Variants in ERN1 observed in about 807,000 individuals in gnomAD.
ERN1 encodes the protein serine/threonine-protein kinase/endoribonuclease IRE1.
Under a neutral mutation model 113.1 loss-of-function variants are expected in ERN1, and 39 were observed. The observed-to-expected ratio is 0.34, with a 90% CI of 0.27 to 0.45. The LOEUF is 0.45. Ranked by LOEUF, ERN1 falls within the 20% of genes least tolerant of loss-of-function variation. ERN1 has a pLI of 1.00. For missense variants in ERN1, 976 were observed against 1,274.8 expected (o/e 0.77, Z 3.57); for synonymous variants, 507 against 515.9 (o/e 0.98, Z 0.23).
chr17:64,088,201 C>T (rs1913988144), intron 2 of ERN1, among the ~76,000 whole-genome samples: 2 of 152,146 alleles, frequency 1.3e-5, no homozygotes, highest in Non-Finnish European at 2.9e-5. Flanking sequence ...ATTTCTGGAA[C>T]ACCCTGCTTT....
At chr17:64,076,753 C>T (rs937658178) in intron 4 of ERN1, among the ~76,000 whole-genome samples, 11 of 152,308 alleles carry the variant, frequency 7.2e-5, no homozygotes, top group African/African-American at 2.6e-4. Flanking sequence ...GCGCCCGCCA[C>T]TGCGCCTGGC....
intron 1 of ERN1, among the ~76,000 whole-genome samples, chr17:64,124,865 C>T (rs546426285): frequency 1.3e-4 from 20 of 152,158 alleles, no homozygotes; most frequent in African/African-American, 3.6e-4. Flanking sequence ...GTTAAAGAGG[C>T]CAGTTACAAA....
chr17:64,062,063 A>G (rs578090899), intron 10 of ERN1, among the ~76,000 whole-genome samples: 139 of 152,356 alleles, frequency 9.1e-4, no homozygotes, highest in African/African-American at 3.2e-3. Context: ...TGAGACCACT[A>G]AATATTTTGT....
At position 64,044,002 on chromosome 17, in the gene ERN1, G is replaced by T. The variant is rs1912422509; in HGVS notation, c.2920C>A (p.Pro974Thr). Residue 974 changes from proline to threonine, a missense_variant, in exon 22 of 22, where the codon CCA becomes ACA. Transcript: ENST00000433197. The surrounding 1 kb of genome is among the most constrained non-coding windows in gnomAD (Gnocchi z 4.1). The stretch of plus-strand genomic sequence containing the variant: ...GCCGCCCTCGCTCAGAGGGCGTCTG[G>T]AGTCACTGGGGGCTGGGGCTCTGGG... ...EPPEPQPPVT[P>T]DAL 6.2e-7 allele frequency: 1 copy of T among 1,610,972 alleles called. No individual in the cohort carries two copies. Among genetic ancestry groups the T allele is most frequent in the Admixed American group, 1.7e-5 (1 of 59,900 alleles).
At chr17:64,106,337 A>G (rs1031483698) in intron 1 of ERN1, among the ~76,000 whole-genome samples, 12 of 152,258 alleles carry the variant, frequency 7.9e-5, no homozygotes, top group Non-Finnish European at 1.5e-4. Context: ...AGAACAATTA[A>G]AAGTGCATGT....
intron 11 of ERN1, among the ~76,000 whole-genome samples, chr17:64,059,919 G>C (rs1231190081): frequency 2.0e-5 from 3 of 147,512 alleles, no homozygotes; most frequent in Non-Finnish European, 3.0e-5. Context: ...TCAAACTCCT[G>C]GGCTCAAGCG....
chr17:64,079,527 A>G lies in ERN1; in HGVS notation c.282+135T>C, dbSNP rs139793245. On this transcript the variant is annotated intron_variant, in intron 4 of 21. Transcript: ENST00000433197. ...GACTGATGCCCAGGCTCCTCTCTAG[A>G]CCACCTGAATCAGAATCCCCAGGGG... 346 of 642,644 alleles carry G rather than the reference A, an allele frequency of 5.4e-4. No homozygotes were observed. In the African/African-American group the frequency reaches 5.9e-3, roughly 11 times the overall value. 39.8% of individuals were successfully genotyped at this position (642,644 alleles called of 1,614,324 possible). A position where few individuals can be genotyped will look rare whatever the true frequency, so the allele number is the denominator to read the frequency against.
chr17:64,043,805 G>A lies in ERN1; in HGVS notation c.*183C>T, dbSNP rs1912415392. 2.2e-5 allele frequency: 11 copies of A among 492,872 alleles called. No homozygotes were observed. The highest frequency in any genetic ancestry group is 1.4e-5 in the Non-Finnish European group (4 of 278,886). The allele number at this position is 492,872 out of a possible 1,614,324, so 30.5% of individuals were successfully genotyped here. On this transcript the variant is annotated 3_prime_UTR_variant, in exon 22 of 22. Coordinates refer to ENST00000433197, the MANE Select transcript of ERN1 (RefSeq NM_001433.5). ...CTTCCCAGTTCCCTGTAGGTCACGA[G>A]GGGCCACTTCTCCCACTTCCTGGGG... is the stretch of plus-strand genomic sequence containing the variant.
intron 1 of ERN1, among the ~76,000 whole-genome samples, chr17:64,102,423 A>G (rs1012648730): frequency 1.3e-5 from 2 of 152,208 alleles, no homozygotes; most frequent in African/African-American, 4.8e-5. Context: ...AATGCCACAA[A>G]CTATTACAAC....
chr17:64,098,520 G>C, intron 1 of ERN1: 1 of 630,966 alleles, frequency 1.6e-6, no homozygotes, highest in Non-Finnish European at 3.0e-6. Flanking sequence ...CACTGAAACA[G>C]AGGGGCAAAG....
At chr17:64,102,189 A>G (rs1160476750) in intron 1 of ERN1, among the ~76,000 whole-genome samples, 12 of 152,074 alleles carry the variant, frequency 7.9e-5, no homozygotes, top group African/African-American at 2.7e-4. Context: ...GGGAGGCTGA[A>G]GCAGGAGAAT....
chr17:64,076,634 C>T (rs1398960421), intron 4 of ERN1, among the ~76,000 whole-genome samples: 2 of 149,022 alleles, frequency 1.3e-5, no homozygotes, highest in African/African-American at 4.9e-5. Flanking sequence ...CGGAGTCTCA[C>T]TCTCACCCAG....
At chr17:64,106,715 TACAC>T (rs58544303) in intron 1 of ERN1, among the ~76,000 whole-genome samples, 2,370 of 103,374 alleles carry the variant, frequency 0.023, 59 homozygotes, top group African/African-American at 0.066. Flanking sequence ...CAGGGTTTCT[TACAC>T]ACACACACAC....
At chr17:64,123,479 C>T (rs1253796741) in intron 1 of ERN1, among the ~76,000 whole-genome samples, 1 of 152,178 alleles carries the variant, frequency 6.6e-6, no homozygotes, top group Non-Finnish European at 1.5e-5. Context: ...ATTCTATTTT[C>T]ATCCAACTTT....
chr17:64,095,852 G>A (rs1914215025), intron 2 of ERN1, among the ~76,000 whole-genome samples: 1 of 152,094 alleles, frequency 6.6e-6, no homozygotes, highest in African/African-American at 2.4e-5. Context: ...TCTTCTCCAG[G>A]CCTCACTCCT....
intron 1 of ERN1, among the ~76,000 whole-genome samples, chr17:64,127,648 G>T (rs572581059): frequency 1.7e-3 from 255 of 152,046 alleles, no homozygotes; most frequent in Middle Eastern, 6.8e-3. Flanking sequence ...CAGCTACTCG[G>T]GAGGCTGAGG....
intron 2 of ERN1, among the ~76,000 whole-genome samples, chr17:64,086,796 G>A (rs1275846822): frequency 6.6e-5 from 10 of 151,722 alleles, no homozygotes; most frequent in Middle Eastern, 3.2e-3. Context: ...ACAGGCGTGT[G>A]CCACCACACC....
chr17:64,108,984 C>T (rs150554995), intron 1 of ERN1, among the ~76,000 whole-genome samples: 9 of 152,124 alleles, frequency 5.9e-5, no homozygotes, highest in African/African-American at 1.9e-4. Flanking sequence ...ATTAGCTGGG[C>T]GTGGTGGCGG....
intron 2 of ERN1, 123 bp downstream of exon 2, chr17:64,097,998 T>G (rs766927918): frequency 2.2e-5 from 28 of 1,280,430 alleles, no homozygotes; most frequent in Non-Finnish European, 3.0e-5. Flanking sequence ...CTTGATCCCA[T>G]TCTTCTTTAT....
Sources: gnomAD v4.1 joint callset for allele counts (sites outside exome capture counted in the v4.1 genomes callset) on GRCh38, gnomAD v4.1.1 for gene constraint, Gnocchi (gnomAD v3.1) non-coding constraint, MANE v1.5 for transcripts, NCBI Gene and HGNC (gene_info 2026-07-23, HGNC 2026-07-21) for gene names.